Variants in YWHAQ observed in about 807,000 individuals in gnomAD.
The protein encoded by YWHAQ is tyrosine 3-monooxygenase/tryptophan 5-monooxygenase activation protein theta, also known as 14-3-3 protein theta.
A neutral mutation model predicts 28.3 loss-of-function variants in YWHAQ; 6 were observed. The ratio of observed to expected loss-of-function variants is 0.21; its 90% CI spans 0.12 to 0.42. The LOEUF is 0.42. Among genes scored for constraint, YWHAQ ranks in the 10% least tolerant of loss-of-function variants. YWHAQ has a pLI of 1.00. For synonymous variants in YWHAQ, 143 were observed against 119.1 expected (o/e 1.20, Z -1.31); for missense variants, 201 against 305.6 (o/e 0.66, Z 2.55).
intron 2 of YWHAQ, among the ~76,000 whole-genome samples, chr2:9,623,797 A>T (rs541409739): frequency 1.8e-4 from 27 of 152,110 alleles, no homozygotes; most frequent in East Asian, 9.6e-4. Flanking sequence ...ATAAATAAAT[A>T]AAATTAAATT....
At chr2:9,625,070 A>G (rs182750825) in intron 2 of YWHAQ, among the ~76,000 whole-genome samples, 1 of 152,012 alleles carries the variant, frequency 6.6e-6, no homozygotes, top group African/African-American at 2.4e-5. Flanking sequence ...AAACAACAAC[A>G]AAAACCTTGG....
intron 2 of YWHAQ, among the ~76,000 whole-genome samples, chr2:9,606,384 G>A (rs987232446): frequency 1.3e-5 from 2 of 151,032 alleles, no homozygotes; most frequent in South Asian, 2.1e-4. Flanking sequence ...TGGGAAACAC[G>A]GTGAAACCCC....
chr2:9,616,238 G>A (rs1490617002), intron 2 of YWHAQ, among the ~76,000 whole-genome samples: 1 of 152,070 alleles, frequency 6.6e-6, no homozygotes, highest in East Asian at 1.9e-4. Flanking sequence ...TCAACAAATG[G>A]TGCCAGGGCA....
In YWHAQ at chr2:9,620,068, C is replaced by A. The variant is rs568837093; in HGVS notation, c.294+10091G>T. Among the ~76,000 whole-genome samples, 9 of 152,276 alleles carry A rather than the reference C, an allele frequency of 5.9e-5. No homozygotes were observed. In the South Asian group the frequency reaches 1.7e-3, roughly 28 times the overall value. On this transcript the variant is annotated intron_variant, in intron 2 of 5. Coordinates refer to ENST00000238081, the MANE Select transcript of YWHAQ (RefSeq NM_006826.4). Reference sequence around the variant, plus strand: ...AGCTTATGGCTTTAAAGCATTTTCACACACTTCTCCATTTATTTCCTCCAA... The same window carrying A: ...AGCTTATGGCTTTAAAGCATTTTCAAACACTTCTCCATTTATTTCCTCCAA...
chr2:9,585,145 G>A lies in YWHAQ; in HGVS notation c.*141C>T. 1.1e-6 allele frequency: 1 copy of A among 888,780 alleles called. No individual in the cohort carries two copies. Among genetic ancestry groups the A allele is most frequent in the Non-Finnish European group, 1.7e-6 (1 of 571,634 alleles). 55.1% of individuals were successfully genotyped at this position (888,780 alleles called of 1,614,324 possible). A position where few individuals can be genotyped will look rare whatever the true frequency, so the allele number is the denominator to read the frequency against. Reference sequence around the variant, plus strand: ...AATCAAGGAATGAAGTTTTCCCAAAGCTGCAGTGTGAAAAGACTATAAACA... The same window carrying A: ...AATCAAGGAATGAAGTTTTCCCAAAACTGCAGTGTGAAAAGACTATAAACA... On this transcript the variant is annotated 3_prime_UTR_variant, in exon 6 of 6. Transcript: ENST00000238081.
rs1183083855 is a variant in YWHAQ at position 9,595,471 on chromosome 2, G to C, written c.295-3956C>G. Among the ~76,000 whole-genome samples, 6 of 152,062 alleles carry C rather than the reference G, an allele frequency of 3.9e-5. 1 individual carries two copies. The highest frequency in any genetic ancestry group is 8.8e-5 in the Non-Finnish European group (6 of 68,016). On this transcript the variant is annotated intron_variant, in intron 2 of 5. Coordinates refer to ENST00000238081, the MANE Select transcript of YWHAQ (RefSeq NM_006826.4). ...TGTTATCCCAGCACTTTGGGAGGCC[G>C]AGATGGGTGGATCACTTGAGGTCAG...
chr2:9,626,653 A>T (rs1355823523), intron 2 of YWHAQ, among the ~76,000 whole-genome samples: 1 of 151,864 alleles, frequency 6.6e-6, no homozygotes, highest in Non-Finnish European at 1.5e-5. Flanking sequence ...CTAGTCTCCA[A>T]CTCCTGACCT....
At chr2:9,621,705 A>G (rs1338167055) in intron 2 of YWHAQ, among the ~76,000 whole-genome samples, 2 of 152,180 alleles carry the variant, frequency 1.3e-5, no homozygotes, top group Non-Finnish European at 2.9e-5. Flanking sequence ...AAAGAATACA[A>G]TTATCCATTC....
Position 9,585,162 on chromosome 2 carries a change from C to G in YWHAQ, c.*124G>C. On this transcript the variant is annotated 3_prime_UTR_variant, in exon 6 of 6. Transcript: ENST00000238081. Reference sequence around the variant, plus strand: ...TTCCCAAAGCTGCAGTGTGAAAAGACTATAAACAGTTGATTCCATACACAT... The same window carrying G: ...TTCCCAAAGCTGCAGTGTGAAAAGAGTATAAACAGTTGATTCCATACACAT... 1 of 1,079,616 alleles carries G rather than the reference C, an allele frequency of 9.3e-7. No homozygotes were observed. Among genetic ancestry groups the G allele is most frequent in the East Asian group, 2.5e-5 (1 of 40,694 alleles). The allele number at this position is 1,079,616 out of a possible 1,614,324, so 66.9% of individuals were successfully genotyped here. A position where few individuals can be genotyped will look rare whatever the true frequency, so the allele number is the denominator to read the frequency against.
intron 2 of YWHAQ, among the ~76,000 whole-genome samples, chr2:9,626,234 G>T (rs1010321030): frequency 6.6e-6 from 1 of 152,202 alleles, no homozygotes; most frequent in Non-Finnish European, 1.5e-5. Context: ...ATAATATGAT[G>T]TCTAAGATAG....
intron 2 of YWHAQ, among the ~76,000 whole-genome samples, chr2:9,607,123 C>T (rs1414465038): frequency 2.6e-5 from 4 of 152,012 alleles, no homozygotes; most frequent in African/African-American, 9.7e-5. Flanking sequence ...ACCTGTGATC[C>T]GCCCATCTTG....
At chr2:9,585,708 C>A (rs1358370371) in intron 5 of YWHAQ, among the ~76,000 whole-genome samples, 1 of 152,076 alleles carries the variant, frequency 6.6e-6, no homozygotes, top group Non-Finnish European at 1.5e-5. Context: ...AGGAGTTCAA[C>A]AGCCTGGACA....
intron 2 of YWHAQ, among the ~76,000 whole-genome samples, chr2:9,592,017 A>G (rs979439809): frequency 6.6e-6 from 1 of 152,224 alleles, no homozygotes; most frequent in Non-Finnish European, 1.5e-5. Flanking sequence ...CCAGGGAAAG[A>G]GTATTTGAGG....
rs1469707785 is a variant in YWHAQ, at chr2:9,627,771, T to G, written c.294+2388A>C. ...ATGATGGCTGCCTTCCTTTCCAGGCTTGTCTCCTGCAGCAACTCTGCACAT... is the reference window on the plus strand; with the variant it reads ...ATGATGGCTGCCTTCCTTTCCAGGCGTGTCTCCTGCAGCAACTCTGCACAT... On this transcript the variant is annotated intron_variant, in intron 2 of 5. Transcript: ENST00000238081. 2.6e-5 allele frequency among the ~76,000 whole-genome samples: 4 copies of G among 152,202 alleles called. No individual in the cohort carries two copies. In the East Asian group the frequency reaches 5.8e-4, roughly 22 times the overall value.
intron 2 of YWHAQ, among the ~76,000 whole-genome samples, chr2:9,595,559 C>G (rs1418836633): frequency 1.3e-5 from 2 of 151,990 alleles, no homozygotes; most frequent in African/African-American, 4.8e-5. Flanking sequence ...ACAAAATTAG[C>G]CGGGTATGGT....
intron 2 of YWHAQ, among the ~76,000 whole-genome samples, chr2:9,626,896 G>C (rs1667257559): frequency 6.6e-6 from 1 of 152,218 alleles, no homozygotes; most frequent in Non-Finnish European, 1.5e-5. Flanking sequence ...TTTAAGAGGT[G>C]GAAGGATGTC....
chr2:9,590,276 C>A (rs1261882619), intron 3 of YWHAQ, among the ~76,000 whole-genome samples: 1 of 152,182 alleles, frequency 6.6e-6, no homozygotes, highest in Admixed American at 6.5e-5. Flanking sequence ...ATGTCCAATT[C>A]TGCTTACCTT....
chr2:9,623,609 A>G (rs1667187898), intron 2 of YWHAQ, among the ~76,000 whole-genome samples: 1 of 152,100 alleles, frequency 6.6e-6, no homozygotes, highest in African/African-American at 2.4e-5. Context: ...CCTCGTCTCT[A>G]CTAAAAATAC....
chr2:9,630,460 G>GGGCGCGGGGC lies in YWHAQ; in HGVS notation c.-9_-8insGCCCCGCGCC. ...CAGCTCAGTCTTCTCCATGGCGGGC[G>GGGCGCGGGGC]CGGGGCCGGGGCCGGGGCGGAGGGC... On this transcript the variant is annotated 5_prime_UTR_variant, in exon 2 of 6. Coordinates refer to ENST00000238081, the MANE Select transcript of YWHAQ (RefSeq NM_006826.4). This position sits in a 1 kb window ranked among gnomAD's most constrained non-coding sequence, Gnocchi z 5.6. The GGGCGCGGGGC allele has an allele frequency of 6.3e-7, 1 of 1,575,674 alleles. No homozygotes were observed. The highest frequency in any genetic ancestry group is 8.6e-7 in the Non-Finnish European group (1 of 1,161,784).
Sources: gnomAD v4.1 joint callset for allele counts (sites outside exome capture counted in the v4.1 genomes callset) on GRCh38, gnomAD v4.1.1 for gene constraint, Gnocchi (gnomAD v3.1) non-coding constraint, MANE v1.5 for transcripts, NCBI Gene and HGNC (gene_info 2026-07-23, HGNC 2026-07-21) for gene names.